DNAH2: variants seen among roughly 807,000 people sequenced by gnomAD.
DNAH2 encodes dynein axonemal heavy chain 2, also known as axonemal beta dynein heavy chain 2.
Under a neutral mutation model 523.5 loss-of-function variants are expected in DNAH2, and 323 were observed. That is an observed-to-expected ratio of 0.62 (90% confidence interval 0.56 to 0.68). The LOEUF is 0.68. DNAH2 is among the 30% of genes least tolerant of loss of function. The probability of loss-of-function intolerance (pLI) is 0.00; values close to 1 mark genes in which losing one functional copy is unlikely to be tolerated. For synonymous variants in DNAH2, 2,093 were observed against 2,177.4 expected (o/e 0.96, Z 1.08); for missense variants, 4,907 against 5,701.5 (o/e 0.86, Z 4.49).
rs114281794 is a variant in DNAH2 at position 7,779,513 on chromosome 17, A to C, written c.5722+90A>C. 6,202 of 1,352,954 alleles carry C rather than the reference A, an allele frequency of 4.6e-3. 177 individuals are homozygous for C. In the African/African-American group the frequency reaches 0.069, roughly 15 times the overall value. The allele number at this position is 1,352,954 out of a possible 1,614,324, so 83.8% of individuals were successfully genotyped here. On this transcript the variant is annotated intron_variant, in intron 36 of 85. Transcript: ENST00000572933. The stretch of plus-strand genomic sequence containing the variant: ...TGCGCATCCTCCTCTTCCCCCTTCC[A>C]TGCGAATGTATATAGCTAAGTGAAG...
intron 33 of DNAH2, 80 bp downstream of exon 33, chr17:7,777,714 C>G: frequency 6.5e-7 from 1 of 1,546,558 alleles, no homozygotes; most frequent in Middle Eastern, 2.2e-4. Flanking sequence ...TCTGTAAATG[C>G]AAGGATATCC....
chr17:7,770,998 A>G (rs1248524703), intron 27 of DNAH2, 65 bp downstream of exon 27: 18 of 1,565,728 alleles, frequency 1.1e-5, no homozygotes, highest in Non-Finnish European at 1.6e-5. Context: ...CTTAAGACCT[A>G]GATTTTGCCC....
At chr17:7,802,620 A>C (rs2077253697) in intron 58 of DNAH2, among the ~76,000 whole-genome samples, 1 of 152,216 alleles carries the variant, frequency 6.6e-6, no homozygotes. Flanking sequence ...GAATAATGAC[A>C]AGAAGAAAAA....
At chr17:7,823,672 C>T (rs2077931196) in intron 74 of DNAH2, 44 bp downstream of exon 74, 2 of 1,600,936 alleles carry the variant, frequency 1.2e-6, no homozygotes, top group Non-Finnish European at 1.7e-6. Flanking sequence ...TCCTTCCCTC[C>T]ATTCAGCCAC....
At chr17:7,753,518 C>T (rs2075748263) in intron 12 of DNAH2, among the ~76,000 whole-genome samples, 1 of 152,124 alleles carries the variant, frequency 6.6e-6, no homozygotes, top group African/African-American at 2.4e-5. Context: ...CAGCGCCTAG[C>T]TGAATGATAT....
chr17:7,823,177 T>C (rs1317229129), intron 73 of DNAH2, among the ~76,000 whole-genome samples: 1 of 151,384 alleles, frequency 6.6e-6, no homozygotes, highest in Admixed American at 6.6e-5. Flanking sequence ...ACCTGTAATC[T>C]CAGCTACTCA....
intron 77 of DNAH2, among the ~76,000 whole-genome samples, chr17:7,827,280 G>A (rs1245574599): frequency 6.9e-6 from 1 of 145,826 alleles, no homozygotes; most frequent in Non-Finnish European, 1.5e-5. Flanking sequence ...TAAATGGTTT[G>A]TGCTCCTTTG....
At chr17:7,787,453 G>A in intron 42 of DNAH2, 1 of 254,486 alleles carries the variant, frequency 3.9e-6, no homozygotes, top group Non-Finnish European at 7.6e-6. Flanking sequence ...AAGCAAACTG[G>A]GCCGGGCCGG....
intron 12 of DNAH2, among the ~76,000 whole-genome samples, chr17:7,751,920 G>GGGGTGTGTGTGTGTGT (rs111751776): frequency 1.4e-5 from 2 of 145,992 alleles, no homozygotes; most frequent in Admixed American, 1.4e-4. Flanking sequence ...ATAGTTGTGG[G>GGGGTGTGTGTGTGTGT]GTGTGTGTGT....
At chr17:7,772,822 G>A (rs1028869182) in intron 28 of DNAH2, among the ~76,000 whole-genome samples, 1 of 152,158 alleles carries the variant, frequency 6.6e-6, no homozygotes, top group Admixed American at 6.5e-5. Context: ...TGCCCAGGCT[G>A]GAGTGCAATG....
At chr17:7,787,536 A>T in intron 42 of DNAH2, 1 of 258,926 alleles carries the variant, frequency 3.9e-6, no homozygotes, top group South Asian at 5.9e-5. Context: ...GGAGTTCAAG[A>T]CCAGCCTGGC....
In DNAH2 at chr17:7,820,527, C is replaced by T. The variant is rs983558386; in HGVS notation, c.11016-716C>T. ...TGCTTTTGCTCATGCTGTGATCTCT[C>T]TGCCTCTCCCATGTCACCTGAAAAC... On this transcript the variant is annotated intron_variant, in intron 72 of 85. Coordinates refer to ENST00000572933, the MANE Select transcript of DNAH2 (RefSeq NM_020877.5). Among the ~76,000 whole-genome samples, 3 of 152,160 alleles carry T rather than the reference C, an allele frequency of 2.0e-5. No homozygotes were observed. In the East Asian group the frequency reaches 5.8e-4, roughly 29 times the overall value.
chr17:7,721,481 G>T lies in DNAH2; in HGVS notation c.166+1581G>T, dbSNP rs116852327. 9.4e-3 allele frequency among the ~76,000 whole-genome samples: 1,433 copies of T among 152,102 alleles called. 11 individuals carry two copies. The highest frequency in any genetic ancestry group is 0.017 in the Middle Eastern group (5 of 292). Reference sequence around the variant, plus strand: ...GAGCCACCGCACCCAGTCTCCCCTGGCCTAGTTCTTGCCTGGAACCTGAAT... The same window carrying T: ...GAGCCACCGCACCCAGTCTCCCCTGTCCTAGTTCTTGCCTGGAACCTGAAT... On this transcript the variant is annotated intron_variant, in intron 2 of 85. Transcript: ENST00000572933.
chr17:7,748,379 C>T (rs886939013), intron 12 of DNAH2, among the ~76,000 whole-genome samples: 6 of 152,214 alleles, frequency 3.9e-5, no homozygotes, highest in Admixed American at 1.3e-4. Context: ...CGGGTCAGCC[C>T]GCTCTGGGCT....
In DNAH2 at chr17:7,764,332, A is replaced by G; in HGVS notation, c.3336+59A>G. On this transcript the variant is annotated intron_variant, in intron 20 of 85. Transcript: ENST00000572933. ...CCGTATCAGCAGCAGATTGCGGGGG[A>G]GGCCCTTGGCTGTCCTCGGGGAGAG... 1.5e-5 allele frequency: 23 copies of G among 1,550,960 alleles called. No individual in the cohort carries two copies. The South Asian group carries it at 2.8e-4, about 19-fold the overall frequency.
At position 7,780,206 on chromosome 17, in the gene DNAH2, C is replaced by T. The variant is rs763014370; in HGVS notation, c.5772C>T (p.Arg1924=). 1 of 1,614,160 alleles carries T rather than the reference C, an allele frequency of 6.2e-7. No homozygotes were observed. Among genetic ancestry groups the T allele is most frequent in the East Asian group, 2.2e-5 (1 of 44,884 alleles). The change falls in exon 37 of 86, where the codon CGC becomes CGT. Residue 1924 remains arginine, a synonymous_variant. Transcript: ENST00000572933. This position sits in a 1 kb window ranked among gnomAD's most constrained non-coding sequence, Gnocchi z 4.4. ...CCGAAAATCTTAAATCCATGTTCCG[C>T]CCAATTGCCATGGTGGTGCCTGACT... is the stretch of plus-strand genomic sequence containing the variant. ...ELPENLKSMF[R]PIAMVVPDST...
Position 7,818,442 on chromosome 17 carries a change from C to CT in DNAH2, c.10521dup (p.Ala3508CysfsTer3), listed in dbSNP as rs2077748584. ...CCTCAGCCAAGACCACCATCGTCAA[C>CT]TTTGCTGTTAAAGAACAGGTGGGTA... On this transcript the variant is annotated frameshift_variant, in exon 69 of 86. Transcript: ENST00000572933. LOFTEE classifies it high-confidence loss of function. 1 of 1,614,078 alleles carries CT rather than the reference C, an allele frequency of 6.2e-7. No homozygotes were observed. Among genetic ancestry groups the CT allele is most frequent in the Non-Finnish European group, 8.5e-7 (1 of 1,180,030 alleles).
chr17:7,749,746 C>T (rs1021602558), intron 12 of DNAH2, among the ~76,000 whole-genome samples: 2 of 152,112 alleles, frequency 1.3e-5, no homozygotes, highest in Admixed American at 6.6e-5. Context: ...CCTCTAATCC[C>T]AGCACTTCAG....
Position 7,817,850 on chromosome 17 carries a change from A to G in DNAH2, c.10230A>G (p.Gly3410=), listed in dbSNP as rs2077721181. ...TGAAATGGATTAAGAACATGGAAGG[A>G]GGCCAGGTGTGAGGCTGGGGGGTCA... ...QALKWIKNME[G]GQGLKIIDLQ... Residue 3410 remains glycine (G), a synonymous_variant, in exon 67 of 86, where the codon GGA becomes GGG. Coordinates refer to ENST00000572933, the MANE Select transcript of DNAH2 (RefSeq NM_020877.5). 6.2e-7 allele frequency: 1 copy of G among 1,613,796 alleles called. No homozygotes were observed. Among genetic ancestry groups the G allele is most frequent in the Non-Finnish European group, 8.5e-7 (1 of 1,179,954 alleles).
Sources: allele counts gnomAD v4.1 joint callset (sites outside exome capture counted in the v4.1 genomes callset), GRCh38; gene constraint gnomAD v4.1.1; non-coding constraint Gnocchi (gnomAD v3.1); transcripts MANE v1.5; gene names NCBI Gene and HGNC (gene_info 2026-07-23, HGNC 2026-07-21).